ME3: variants seen among roughly 807,000 people sequenced by gnomAD.
ME3 encodes malic enzyme 3, also known as NADP-dependent malic enzyme, mitochondrial.
A neutral mutation model predicts 68.9 loss-of-function variants in ME3; 48 were observed. That is an observed-to-expected ratio of 0.70 (90% confidence interval 0.55 to 0.89). The LOEUF is 0.89. Among genes scored for constraint, ME3 ranks in the 40% least tolerant of loss-of-function variants. The pLI is 0.00. For synonymous variants in ME3, 320 were observed against 318.8 expected (o/e 1.00, Z -0.04); for missense variants, 675 against 797.4 (o/e 0.85, Z 1.85).
intron 2 of ME3, among the ~76,000 whole-genome samples, chr11:86,590,650 G>C (rs1041315621): frequency 2.0e-5 from 3 of 152,134 alleles, no homozygotes; most frequent in African/African-American, 7.2e-5. Context: ...CTGTGCATCA[G>C]GCAGGGAAGC....
intron 2 of ME3, among the ~76,000 whole-genome samples, chr11:86,561,708 C>T (rs1157904522): frequency 6.6e-6 from 1 of 152,134 alleles, no homozygotes; most frequent in Non-Finnish European, 1.5e-5. Flanking sequence ...TTAACCTGTA[C>T]CACTGTGGGA....
At chr11:86,488,811 G>T (rs1171865397) in intron 6 of ME3, among the ~76,000 whole-genome samples, 2 of 152,206 alleles carry the variant, frequency 1.3e-5, no homozygotes, top group Non-Finnish European at 2.9e-5. Context: ...GGTGGCTGCT[G>T]AGTAAACAGA....
chr11:86,653,890 G>A lies in ME3; in HGVS notation c.183+17872C>T, dbSNP rs1268156256. On this transcript the variant is annotated intron_variant, in intron 2 of 14. Transcript: ENST00000543262. Reference sequence around the variant, plus strand: ...GAAAAGAGAGAAGAATCAAGTAGAGGCAATAAAAAATGATAAAGGGTATAT... The same window carrying A: ...GAAAAGAGAGAAGAATCAAGTAGAGACAATAAAAAATGATAAAGGGTATAT... Among the ~76,000 whole-genome samples the A allele has an allele frequency of 4.6e-5, 7 of 152,042 alleles. No homozygotes were observed. In the South Asian group the frequency reaches 1.0e-3, roughly 23 times the overall value.
At chr11:86,641,592 C>G (rs1413587940) in intron 2 of ME3, among the ~76,000 whole-genome samples, 1 of 152,226 alleles carries the variant, frequency 6.6e-6, no homozygotes, top group Non-Finnish European at 1.5e-5. Flanking sequence ...TATAGTTATA[C>G]TACACTGAGT....
At chr11:86,646,057 A>C (rs1346177729) in intron 2 of ME3, among the ~76,000 whole-genome samples, 1 of 152,232 alleles carries the variant, frequency 6.6e-6, no homozygotes, top group East Asian at 1.9e-4. Flanking sequence ...GGTCACCAGA[A>C]TCAAAGACCA....
chr11:86,598,428 G>T (rs1959946326), intron 2 of ME3, among the ~76,000 whole-genome samples: 1 of 152,238 alleles, frequency 6.6e-6, no homozygotes, highest in Non-Finnish European at 1.5e-5. Flanking sequence ...GACTCGCTTA[G>T]GTAAACGAAG....
At chr11:86,448,359 CTTTGG>C in intron 10 of ME3, 104 bp from the exon 11 acceptor site, 1 of 842,550 alleles carries the variant, frequency 1.2e-6, no homozygotes, top group East Asian at 2.5e-5. Context: ...GAGCCCCATG[CTTTGG>C]TTTGAGCTGT....
intron 5 of ME3, among the ~76,000 whole-genome samples, chr11:86,505,571 A>C (rs1448867653): frequency 2.6e-5 from 4 of 152,026 alleles, no homozygotes; most frequent in Non-Finnish European, 5.9e-5. Context: ...TCCCAGGTTA[A>C]GGGAGCCCCC....
At chr11:86,527,122 G>A (rs556904672) in intron 4 of ME3, among the ~76,000 whole-genome samples, 2 of 152,130 alleles carry the variant, frequency 1.3e-5, no homozygotes, top group Non-Finnish European at 2.9e-5. Context: ...CTTGAAAAAA[G>A]ATTAGACAAA....
chr11:86,442,542 A>T (rs1168209428), intron 14 of ME3, among the ~76,000 whole-genome samples: 1 of 152,116 alleles, frequency 6.6e-6, no homozygotes, highest in Non-Finnish European at 1.5e-5. Flanking sequence ...AGTCATTTCT[A>T]AAAAATTCCC....
intron 7 of ME3, among the ~76,000 whole-genome samples, chr11:86,468,235 C>T (rs1458479890): frequency 1.3e-5 from 2 of 152,232 alleles, no homozygotes; most frequent in African/African-American, 4.8e-5. Context: ...AACCAGACCA[C>T]TATCCAGTCT....
exon 11 of ME3, chr11:86,448,159 C>G (rs561207578): frequency 6.2e-7 from 1 of 1,612,554 alleles, no homozygotes; most frequent in East Asian, 2.2e-5. Context: ...CCTATGATGG[C>G]TGTGGGCTTC....
chr11:86,447,253 A>T, intron 11 of ME3, 46 bp from the exon 12 acceptor site: 1 of 1,594,118 alleles, frequency 6.3e-7, no homozygotes, highest in Non-Finnish European at 8.6e-7. Context: ...CTCTATAAAC[A>T]ACCCATTCCT....
At chr11:86,496,761 C>T (rs1439890198) in intron 6 of ME3, among the ~76,000 whole-genome samples, 2 of 151,826 alleles carry the variant, frequency 1.3e-5, no homozygotes, top group Non-Finnish European at 2.9e-5. Context: ...GCTATTAAAC[C>T]GACACTATGG....
At chr11:86,629,452 C>T (rs1407241834) in intron 2 of ME3, among the ~76,000 whole-genome samples, 1 of 152,142 alleles carries the variant, frequency 6.6e-6, no homozygotes, top group Non-Finnish European at 1.5e-5. Flanking sequence ...GGTTTAGACC[C>T]TCCCCCTCCC....
Position 86,624,674 on chromosome 11 carries a change from T to C in ME3, c.183+47088A>G, listed in dbSNP as rs529810819. Among the ~76,000 whole-genome samples, 3 of 152,210 alleles carry C rather than the reference T, an allele frequency of 2.0e-5. No individual in the cohort carries two copies. In the East Asian group the frequency reaches 5.8e-4, roughly 29 times the overall value. On this transcript the variant is annotated intron_variant, in intron 2 of 14. Coordinates refer to ENST00000543262, the Ensembl canonical transcript of ME3. ...TGAGTGATTCGATTTTATTAGCTGGTTAATAGGTAAACTGAATGAATAAAT... is the reference window on the plus strand; with the variant it reads ...TGAGTGATTCGATTTTATTAGCTGGCTAATAGGTAAACTGAATGAATAAAT...
intron 2 of ME3, 76 bp downstream of exon 2, chr11:86,671,686 G>T: frequency 6.5e-7 from 1 of 1,549,242 alleles, no homozygotes. Flanking sequence ...ATCCTTTCTG[G>T]GTCCAGGGGG....
At chr11:86,664,820 C>T (rs971563423) in intron 2 of ME3, among the ~76,000 whole-genome samples, 1 of 152,210 alleles carries the variant, frequency 6.6e-6, no homozygotes, top group Non-Finnish European at 1.5e-5. Context: ...CAAGGCACCA[C>T]CTGTGTCTTC....
downstream of ME3, among the ~76,000 whole-genome samples, chr11:86,439,686 T>C (rs2138567885): frequency 6.6e-6 from 1 of 152,382 alleles, no homozygotes; most frequent in Non-Finnish European, 1.5e-5. Context: ...GTGTCTTCTT[T>C]GTTTTTGTCT....
Sources: allele counts gnomAD v4.1 joint callset (sites outside exome capture counted in the v4.1 genomes callset), GRCh38; gene constraint gnomAD v4.1.1; transcripts MANE v1.5; gene names NCBI Gene and HGNC (gene_info 2026-07-23, HGNC 2026-07-21).